Variants in HERC1 observed in about 807,000 individuals in gnomAD.
HERC1 encodes probable E3 ubiquitin-protein ligase HERC1.
HERC1 carries 160 observed loss-of-function variants against 554.3 expected under a neutral mutation model. The ratio of observed to expected loss-of-function variants is 0.29; its 90% CI spans 0.25 to 0.33. The LOEUF (loss-of-function observed/expected upper bound fraction) is 0.33, where lower values mean the gene tolerates loss of function less well. Among genes scored for constraint, HERC1 ranks in the 10% least tolerant of loss-of-function variants. The pLI is 1.00. For missense variants in HERC1, 4,919 were observed against 5,918.5 expected (o/e 0.83, Z 5.54); for synonymous variants, 2,175 against 2,131.7 (o/e 1.02, Z -0.56).
chr15:63,675,990 G>T (rs535656384), intron 37 of HERC1, among the ~76,000 whole-genome samples: 1 of 148,424 alleles, frequency 6.7e-6, no homozygotes, highest in Non-Finnish European at 1.5e-5. Flanking sequence ...TGCAACCTCT[G>T]ACTACTGAGT....
intron 18 of HERC1, among the ~76,000 whole-genome samples, chr15:63,724,909 C>T (rs905151105): frequency 6.6e-6 from 1 of 152,224 alleles, no homozygotes; most frequent in Admixed American, 6.5e-5. Flanking sequence ...CTGCCACTCA[C>T]ATCTCAGGGG....
chr15:63,831,701 C>T (rs1189044282), intron 1 of HERC1, among the ~76,000 whole-genome samples: 1 of 151,994 alleles, frequency 6.6e-6, no homozygotes, highest in Non-Finnish European at 1.5e-5. Context: ...TGGGGGAAAA[C>T]ATGCTTGGAA....
chr15:63,711,960 G>C (rs142352147), intron 24 of HERC1, among the ~76,000 whole-genome samples: 2 of 152,320 alleles, frequency 1.3e-5, no homozygotes, highest in East Asian at 3.9e-4. Context: ...TCCTCAAGTA[G>C]AAGCAATCTT....
chr15:63,756,796 G>A lies in HERC1; in HGVS notation c.1222-48C>T, dbSNP rs2075431708. The A allele has an allele frequency of 1.7e-6, 2 of 1,161,214 alleles. No homozygotes were observed. The highest frequency in any genetic ancestry group is 5.1e-5 in the East Asian group (2 of 39,350). 71.9% of individuals were successfully genotyped at this position (1,161,214 alleles called of 1,614,324 possible). A position where few individuals can be genotyped will look rare whatever the true frequency, so the allele number is the denominator to read the frequency against. ...ATAAAATACTTCTGTGAGTATCAAA[G>A]TATAATATTTAAGGCTGGTTTTATC... On this transcript the variant is annotated intron_variant, in intron 4 of 77. Coordinates refer to ENST00000443617, the MANE Select transcript of HERC1 (RefSeq NM_003922.4). This position sits in a 1 kb window ranked among gnomAD's most constrained non-coding sequence, Gnocchi z 5.0.
chr15:63,825,476 A>G (rs182270041), intron 1 of HERC1, among the ~76,000 whole-genome samples: 201 of 152,292 alleles, frequency 1.3e-3, no homozygotes, highest in African/African-American at 4.5e-3. Context: ...ATATCAAAAC[A>G]TCATGTGTAC....
chr15:63,749,498 T>C lies in HERC1; in HGVS notation c.2088A>G (p.Gln696=), dbSNP rs759915381. 2.0e-5 allele frequency: 32 copies of C among 1,613,378 alleles called. No homozygotes were observed. The highest frequency in any genetic ancestry group is 6.7e-5 in the East Asian group (3 of 44,862). Residue 696 remains glutamine (Q), a synonymous_variant, in exon 10 of 78, where the codon CAA becomes CAG. Transcript: ENST00000443617. This position sits in a 1 kb window ranked among gnomAD's most constrained non-coding sequence, Gnocchi z 4.1. ...VYAWGNNSMG[Q]CGQGNSTGPI... ...GACCTGTGGAATTTCCCTGACCACA[T>C]TGCCCCATTGAGTTATTGCCCCAGG...
In HERC1 at chr15:63,775,741, A is replaced by ACCAGTTTGAAATCATT; in HGVS notation, c.-26-93_-26-92insAATGATTTCAAACTGG. 2.2e-6 allele frequency: 2 copies of ACCAGTTTGAAATCATT among 921,916 alleles called. No individual in the cohort carries two copies. Among genetic ancestry groups the ACCAGTTTGAAATCATT allele is most frequent in the Non-Finnish European group, 3.3e-6 (2 of 611,192 alleles). The allele number at this position is 921,916 out of a possible 1,614,324, so 57.1% of individuals were successfully genotyped here. On this transcript the variant is annotated intron_variant, in intron 1 of 77. Transcript: ENST00000443617. The surrounding 1 kb of genome is among the most constrained non-coding windows in gnomAD (Gnocchi z 4.0). The stretch of plus-strand genomic sequence containing the variant: ...ATCTTACATTACAATTAATGATTTC[A>ACCAGTTTGAAATCATT]AACTGGTGAAATGCAGCCGGGTGCG...
At chr15:63,617,364 T>C in intron 74 of HERC1, among the ~76,000 whole-genome samples, 1 of 152,248 alleles carries the variant, frequency 6.6e-6, no homozygotes. Context: ...CTGCATAGTA[T>C]TCCATGGTGT....
chr15:63,823,803 T>C (rs1357038143), intron 1 of HERC1, among the ~76,000 whole-genome samples: 1 of 152,178 alleles, frequency 6.6e-6, no homozygotes, highest in South Asian at 2.1e-4. Flanking sequence ...ATTACTACTA[T>C]TGGGAATAAT....
intron 74 of HERC1, among the ~76,000 whole-genome samples, chr15:63,621,415 C>T (rs1218202417): frequency 6.6e-6 from 1 of 152,172 alleles, no homozygotes; most frequent in African/African-American, 2.4e-5. Flanking sequence ...TTCTCTCTGG[C>T]TGCTCTTAAC....
chr15:63,643,609 T>A (rs2069176717), intron 57 of HERC1, 59 bp from the exon 58 acceptor site: 1 of 1,288,478 alleles, frequency 7.8e-7, no homozygotes, highest in Non-Finnish European at 1.1e-6. Flanking sequence ...AAGTTCAAGA[T>A]TTATCATTCA....
rs1320303103 is a variant in HERC1 at position 63,743,444 on chromosome 15, T to C, written c.2520+3474A>G. ...ATCCAGCTAATTTTTTTTGTATTTT[T>C]AGTAGAGAAGGGGTTTCACCATGTT... On this transcript the variant is annotated intron_variant, in intron 12 of 77. Coordinates refer to ENST00000443617, the MANE Select transcript of HERC1 (RefSeq NM_003922.4). Among the ~76,000 whole-genome samples the C allele has an allele frequency of 2.0e-5, 3 of 151,948 alleles. No homozygotes were observed. In the East Asian group the frequency reaches 5.8e-4, roughly 29 times the overall value.
At chr15:63,648,914 A>C (rs2069500165) in intron 54 of HERC1, among the ~76,000 whole-genome samples, 2 of 152,202 alleles carry the variant, frequency 1.3e-5, no homozygotes, top group Non-Finnish European at 2.9e-5. Flanking sequence ...CTTCCCCCAG[A>C]CAACCAACAA....
At chr15:63,616,325 C>A (rs1046845450) in intron 75 of HERC1, 105 bp downstream of exon 75, 1 of 1,237,880 alleles carries the variant, frequency 8.1e-7, no homozygotes, top group Admixed American at 2.1e-5. Context: ...CATTGTTCAG[C>A]CAGACAGCAA....
Position 63,649,912 on chromosome 15 carries a change from T to G in HERC1, c.10560A>C (p.Leu3520Phe). 1 of 1,605,308 alleles carries G rather than the reference T, an allele frequency of 6.2e-7. No homozygotes were observed. Among genetic ancestry groups the G allele is most frequent in the Non-Finnish European group, 8.5e-7 (1 of 1,175,440 alleles). Residue 3520 changes from leucine (L) to phenylalanine (F), a missense_variant, in exon 54 of 78, where the codon TTA becomes TTC. Physicochemically the swap from Leu to Phe is conservative, Grantham distance 22. Coordinates refer to ENST00000443617, the MANE Select transcript of HERC1 (RefSeq NM_003922.4). ...ATACCCAATGAGGCTGAATATCTAC[T>G]AATCCTTTTCCTCCTAAAAGGGAAA... is the stretch of plus-strand genomic sequence containing the variant. ...NIWQVNGGKG[L>F]VDIQPHWVSA...
intron 61 of HERC1, among the ~76,000 whole-genome samples, chr15:63,639,941 GTT>G (rs1408920766): frequency 6.6e-6 from 1 of 152,194 alleles, no homozygotes; most frequent in Non-Finnish European, 1.5e-5. Context: ...GTTTACAAGA[GTT>G]CAACAGTGCT....
At position 63,729,277 on chromosome 15, in the gene HERC1, T is replaced by C. The variant is rs61740450; in HGVS notation, c.3113A>G (p.Lys1038Arg). ...DIYSRSANLLKESPWNGSVGE... is the reference protein window; with the variant it reads ...DIYSRSANLLRESPWNGSVGE... ...AACACTGCCATTCCAAGGACTTTCT[T>C]TGAGCAAATTTGCAGAACGTGAATA... Residue 1038 changes from lysine (K) to arginine (R), a missense_variant, in exon 16 of 78, where the codon AAA (lysine) becomes AGA (arginine). Around this residue, in one of 11 missense-constraint regions of HERC1, gnomAD observed 1,121 missense variants for 1,244.0 expected, o/e 0.90. Transcript: ENST00000443617. 2.5e-6 allele frequency: 4 copies of C among 1,607,998 alleles called. No individual in the cohort carries two copies. Among genetic ancestry groups the C allele is most frequent in the Middle Eastern group, 1.7e-4 (1 of 6,040 alleles).
chr15:63,763,298 C>T (rs2075669579), intron 3 of HERC1, among the ~76,000 whole-genome samples: 1 of 152,150 alleles, frequency 6.6e-6, no homozygotes, highest in African/African-American at 2.4e-5. Context: ...GCATCAAGGG[C>T]TAATACCACA....
intron 34 of HERC1, among the ~76,000 whole-genome samples, chr15:63,683,269 T>TA (rs2071577497): frequency 6.6e-6 from 1 of 152,178 alleles, no homozygotes; most frequent in Admixed American, 6.5e-5. Context: ...GGACACAACT[T>TA]ACTTGCTTTT....
Sources: gnomAD v4.1 joint callset for allele counts (sites outside exome capture counted in the v4.1 genomes callset) on GRCh38, gnomAD v4.1.1 for gene constraint, gnomAD v4.1.1 regional missense constraint, Gnocchi (gnomAD v3.1) non-coding constraint, MANE v1.5 for transcripts, NCBI Gene and HGNC (gene_info 2026-07-23, HGNC 2026-07-21) for gene names.